The following SPAG9 variants were observed in gnomAD, a reference collection of about 807,000 sequenced individuals.
The protein encoded by SPAG9 is sperm associated antigen 9.
Under a neutral mutation model 166.5 loss-of-function variants are expected in SPAG9, and 35 were observed. The ratio of observed to expected loss-of-function variants is 0.21; its 90% confidence interval spans 0.16 to 0.28. The LOEUF (loss-of-function observed/expected upper bound fraction) is 0.28. Among genes scored for constraint, SPAG9 ranks in the 10% least tolerant of loss-of-function variants. The pLI, the probability that SPAG9 is intolerant of heterozygous loss-of-function variation, is 1.00. For missense variants in SPAG9, 1,235 were observed against 1,603.3 expected (o/e 0.77, Z 3.92); for synonymous variants, 534 against 565.5 (o/e 0.94, Z 0.79).
intron 28 of SPAG9, among the ~76,000 whole-genome samples, 159 bp from the exon 29 acceptor site, chr17:50,971,015 T>C (rs1487238487): frequency 6.6e-6 from 1 of 152,024 alleles, no homozygotes; most frequent in East Asian, 1.9e-4. Context: ...CAGAAAACAT[T>C]TACATGAAGG....
chr17:50,976,315 G>A (rs577677238), intron 27 of SPAG9, among the ~76,000 whole-genome samples: 2 of 151,978 alleles, frequency 1.3e-5, no homozygotes, highest in East Asian at 3.9e-4. Context: ...TGAACTCTAG[G>A]GGATCCTGGA....
At chr17:50,969,740 C>T (rs369403298) in intron 29 of SPAG9, among the ~76,000 whole-genome samples, 26 of 152,094 alleles carry the variant, frequency 1.7e-4, no homozygotes, top group African/African-American at 6.0e-4. Context: ...CCTCGGAGTG[C>T]CAACCCCTGG....
chr17:51,110,558 G>A (rs2049078639), intron 1 of SPAG9, among the ~76,000 whole-genome samples: 1 of 152,050 alleles, frequency 6.6e-6, no homozygotes, highest in Non-Finnish European at 1.5e-5. Context: ...GCGTGGTGGT[G>A]TACACCTGTA....
At chr17:51,093,701 A>AG in intron 1 of SPAG9, among the ~76,000 whole-genome samples, 1 of 150,834 alleles carries the variant, frequency 6.6e-6, no homozygotes, top group Non-Finnish European at 1.5e-5. Context: ...TCTCAAAAAA[A>AG]AAAAAAAAAA....
At chr17:51,086,216 G>A (rs964219581) in intron 1 of SPAG9, among the ~76,000 whole-genome samples, 4 of 151,916 alleles carry the variant, frequency 2.6e-5, no homozygotes, top group Non-Finnish European at 2.9e-5. Context: ...CTGACCTCAG[G>A]TGATCTGCCT....
chr17:51,114,017 T>C (rs2049205840), intron 1 of SPAG9, among the ~76,000 whole-genome samples: 1 of 150,496 alleles, frequency 6.6e-6, no homozygotes, highest in Admixed American at 6.6e-5. Context: ...AAAAGATCTA[T>C]AAAAATATTA....
chr17:51,024,629 C>T (rs2046079991), intron 6 of SPAG9, among the ~76,000 whole-genome samples: 1 of 151,062 alleles, frequency 6.6e-6, no homozygotes, highest in Non-Finnish European at 1.5e-5. Context: ...AGGAGAATCA[C>T]TTGAACCCAG....
In SPAG9 at chr17:50,979,858, C is replaced by A. The variant is rs200212424; in HGVS notation, c.3297G>T (p.Gly1099=). The change falls in exon 26 of 30, where the codon GGG becomes GGT. Residue 1099 remains glycine, a synonymous_variant. Transcript: ENST00000262013. ...AGCGAATGGAGACCCACACGCCATC[C>A]CCCACCCACGCAAGCTGTCGCACTT... ...ESQVRQLAWV[G]DGVWVSIRLD... 1.5e-5 allele frequency: 24 copies of A among 1,614,128 alleles called. No homozygotes were observed. In the African/African-American group the frequency reaches 2.5e-4, roughly 17 times the overall value.
At chr17:51,066,542 G>T (rs1314895114) in intron 2 of SPAG9, among the ~76,000 whole-genome samples, 1 of 121,940 alleles carries the variant, frequency 8.2e-6, no homozygotes, top group African/African-American at 3.4e-5. Flanking sequence ...GCGACAGAGT[G>T]AGACTCTGTC....
chr17:51,049,027 A>T (rs2047108616), intron 3 of SPAG9, among the ~76,000 whole-genome samples: 1 of 152,200 alleles, frequency 6.6e-6, no homozygotes, highest in Admixed American at 6.5e-5. Flanking sequence ...TGAAACTAAT[A>T]TAACAAAGTG....
rs118157464 is a variant in SPAG9 at position 51,036,349 on chromosome 17, A to C, written c.742-4627T>G. Among the ~76,000 whole-genome samples the C allele has an allele frequency of 3.8e-3, 575 of 152,086 alleles. 2 individuals are homozygous for C. The highest frequency in any genetic ancestry group is 0.01 in the Middle Eastern group (3 of 294). On this transcript the variant is annotated intron_variant, in intron 5 of 29. Coordinates refer to ENST00000262013, the MANE Select transcript of SPAG9 (RefSeq NM_001130528.3). Reference sequence around the variant, plus strand: ...AAACTGCTCAAATCTACACCTATAAATTTACAAATTCAGTCCTCATTCTAC... The same window carrying C: ...AAACTGCTCAAATCTACACCTATAACTTTACAAATTCAGTCCTCATTCTAC...
Position 51,047,227 on chromosome 17 carries a change from C to T in SPAG9, c.590+148G>A, listed in dbSNP as rs1440530975. The T allele has an allele frequency of 9.0e-6, 5 of 554,460 alleles. No homozygotes were observed. In the Admixed American group the frequency reaches 1.1e-4, roughly 12 times the overall value. The allele number at this position is 554,460 out of a possible 1,614,324, so 34.3% of individuals were successfully genotyped here. On this transcript the variant is annotated intron_variant, in intron 4 of 29. Coordinates refer to ENST00000262013, the MANE Select transcript of SPAG9 (RefSeq NM_001130528.3). ...TAAAAACCGTTTCTACTTTTCTGTG[C>T]TATTCTCTCCTGCAGCATTCCAACC...
chr17:51,069,557 T>A (rs1209706300), intron 2 of SPAG9, among the ~76,000 whole-genome samples: 1 of 152,132 alleles, frequency 6.6e-6, no homozygotes, highest in Non-Finnish European at 1.5e-5. Context: ...GTGTTGAAGG[T>A]CTGTTTTAAG....
chr17:51,059,631 A>G (rs933416381), intron 2 of SPAG9, among the ~76,000 whole-genome samples: 4 of 152,038 alleles, frequency 2.6e-5, no homozygotes, highest in African/African-American at 9.7e-5. Flanking sequence ...GCATGCCTAT[A>G]ATTCCAGCTA....
chr17:51,006,081 T>G lies in SPAG9; in HGVS notation c.1424+4A>C, dbSNP rs549512802. 1 of 1,614,048 alleles carries G rather than the reference T, an allele frequency of 6.2e-7. No individual in the cohort carries two copies. Among genetic ancestry groups the G allele is most frequent in the South Asian group, 1.1e-5 (1 of 91,072 alleles). On this transcript the variant is annotated splice_donor_region_variant and intron_variant, in intron 11 of 29. Coordinates refer to ENST00000262013, the MANE Select transcript of SPAG9 (RefSeq NM_001130528.3). ...TGGTTTAGAACAACACAGTTAAAACTTACTTCCTAAGCTCTTCCTCCAATT... is the reference window on the plus strand; with the variant it reads ...TGGTTTAGAACAACACAGTTAAAACGTACTTCCTAAGCTCTTCCTCCAATT...
intron 10 of SPAG9, 94 bp from the exon 11 acceptor site, chr17:51,006,331 C>T: frequency 8.3e-7 from 1 of 1,207,300 alleles, no homozygotes; most frequent in South Asian, 1.5e-5. Flanking sequence ...CAACCATAGA[C>T]AATAATAATT....
rs757358233 is a variant in SPAG9 at position 50,998,637 on chromosome 17, C to T, written c.1665-20G>A. On this transcript the variant is annotated intron_variant, in intron 14 of 29. Coordinates refer to ENST00000262013, the MANE Select transcript of SPAG9 (RefSeq NM_001130528.3). ...CTGAAACTAAAAGAAGACAGTATGT[C>T]TGTGTGTCACATGTACTATGAGAAA... 1.9e-6 allele frequency: 3 copies of T among 1,609,988 alleles called. No individual in the cohort carries two copies. The highest frequency in any genetic ancestry group is 1.1e-5 in the South Asian group (1 of 90,892).
chr17:51,034,447 A>G (rs768636720), intron 5 of SPAG9, among the ~76,000 whole-genome samples: 1 of 152,188 alleles, frequency 6.6e-6, no homozygotes, highest in Non-Finnish European at 1.5e-5. Context: ...TGGTGCCAAT[A>G]AGGAAGAAAG....
At chr17:50,971,457 A>AT (rs1973799642) in intron 28 of SPAG9, among the ~76,000 whole-genome samples, 1 of 117,138 alleles carries the variant, frequency 8.5e-6, no homozygotes, top group African/African-American at 3.2e-5. Flanking sequence ...GCTTCAAACT[A>AT]CCTTTTTTTT....
Sources: gnomAD v4.1 joint callset for allele counts (sites outside exome capture counted in the v4.1 genomes callset) on GRCh38, gnomAD v4.1.1 for gene constraint, MANE v1.5 for transcripts, NCBI Gene and HGNC (gene_info 2026-07-23, HGNC 2026-07-21) for gene names.